The following SLC12A1 variants were observed in gnomAD, a reference collection of about 807,000 sequenced individuals.
SLC12A1 encodes solute carrier family 12 member 1.
In SLC12A1, 89 loss-of-function variants were observed where a neutral mutation model predicts 130.4. That is an observed-to-expected ratio of 0.68 (90% CI 0.58 to 0.81). The LOEUF is 0.81. SLC12A1 is among the 40% of genes least tolerant of loss of function. The probability of loss-of-function intolerance (pLI) is 0.00; values close to 1 mark genes in which losing one functional copy is unlikely to be tolerated. For synonymous variants in SLC12A1, 499 were observed against 460.0 expected (o/e 1.08, Z -1.09); for missense variants, 1,310 against 1,336.4 (o/e 0.98, Z 0.31).
chr15:48,291,712 A>C (rs991243858), intron 23 of SLC12A1, 66 bp from the exon 24 acceptor site: 10 of 1,020,864 alleles, frequency 9.8e-6, no homozygotes, highest in Middle Eastern at 2.2e-4. Flanking sequence ...TAACTCAAAC[A>C]AAAAACTCTT....
chr15:48,234,113 G>T (rs547123341), intron 8 of SLC12A1, among the ~76,000 whole-genome samples: 11 of 152,084 alleles, frequency 7.2e-5, no homozygotes, highest in Non-Finnish European at 1.6e-4. Context: ...CACACACAAG[G>T]TTCTTCAACT....
chr15:48,215,354 C>T (rs2041108866), intron 2 of SLC12A1, among the ~76,000 whole-genome samples: 1 of 152,126 alleles, frequency 6.6e-6, no homozygotes, highest in Admixed American at 6.5e-5. Flanking sequence ...TTTAAACATA[C>T]TTTATTTTAC....
rs570586361 is a variant in SLC12A1 at position 48,271,096 on chromosome 15, C to T, written c.2402+1332C>T. Among the ~76,000 whole-genome samples the T allele has an allele frequency of 4.1e-4, 62 of 151,640 alleles. 1 individual carries two copies. The highest frequency in any genetic ancestry group is 1.4e-3 in the African/African-American group (57 of 41,360). ...AAAATTAGCTGGGCATGGTGGTGGGCGCCTACTTGGGAGGCTGAGGCAGGA... is the reference window on the plus strand; with the variant it reads ...AAAATTAGCTGGGCATGGTGGTGGGTGCCTACTTGGGAGGCTGAGGCAGGA... On this transcript the variant is annotated intron_variant, in intron 19 of 26. Transcript: ENST00000380993.
intron 24 of SLC12A1, among the ~76,000 whole-genome samples, chr15:48,294,382 A>C (rs538232069): frequency 6.6e-6 from 1 of 152,112 alleles, no homozygotes; most frequent in Admixed American, 6.5e-5. Context: ...GAAGAAAAGA[A>C]AAATACATTA....
chr15:48,254,611 A>ACCC (rs1249871868), intron 15 of SLC12A1, among the ~76,000 whole-genome samples: 3 of 143,582 alleles, frequency 2.1e-5, no homozygotes, highest in Non-Finnish European at 4.6e-5. Flanking sequence ...AAAAAAAAAA[A>ACCC]AAAAAAAAAA....
At chr15:48,241,677 C>G in intron 10 of SLC12A1, 78 bp downstream of exon 10, 1 of 979,324 alleles carries the variant, frequency 1.0e-6, no homozygotes, top group Non-Finnish European at 1.6e-6. Flanking sequence ...GCTTTCAATG[C>G]AGCATAAATA....
intron 4 of SLC12A1, chr15:48,225,586 G>A (rs886769271): frequency 6.6e-6 from 1 of 152,042 alleles, no homozygotes; most frequent in African/African-American, 2.4e-5. Context: ...ATAAGATGGG[G>A]TGCACATTAA....
chr15:48,283,843 G>C (rs1365812454), intron 20 of SLC12A1, among the ~76,000 whole-genome samples: 1 of 152,076 alleles, frequency 6.6e-6, no homozygotes, highest in Non-Finnish European at 1.5e-5. Flanking sequence ...GAGGGCATCT[G>C]ACAAGAGTGC....
At chr15:48,241,734 T>A in intron 10 of SLC12A1, 135 bp downstream of exon 10, 1 of 675,818 alleles carries the variant, frequency 1.5e-6, no homozygotes, top group Non-Finnish European at 2.7e-6. Context: ...CTTGGTACCT[T>A]AATGTTAATG....
At position 48,269,733 on chromosome 15, in the gene SLC12A1, A is replaced by G. The variant is rs986693808; in HGVS notation, c.2371A>G (p.Thr791Ala). 14 of 1,608,796 alleles carry G rather than the reference A, an allele frequency of 8.7e-6. No individual in the cohort carries two copies. The highest frequency in any genetic ancestry group is 6.6e-5 in the South Asian group (6 of 90,894). Residue 791 changes from threonine (T) to alanine (A), a missense_variant, in exon 19 of 27, where the codon ACA (threonine) becomes GCA (alanine). Physicochemically the swap from Thr to Ala is moderately conservative, Grantham distance 58. Coordinates refer to ENST00000380993, the MANE Select transcript of SLC12A1 (RefSeq NM_000338.3). ...YKKNWRKAPLTEIENYVGIIH... is the reference protein window; with the variant it reads ...YKKNWRKAPLAEIENYVGIIH... ...GAAAAACTGGAGGAAAGCTCCCTTG[A>G]CAGAGATTGAGAACTACGTGGGAAT...
intron 26 of SLC12A1, among the ~76,000 whole-genome samples, chr15:48,301,898 T>C (rs143785142): frequency 8.9e-4 from 135 of 152,344 alleles, no homozygotes; most frequent in Admixed American, 2.4e-3. Flanking sequence ...AATGTATGTT[T>C]GTTTACTTAA....
intron 17 of SLC12A1, 77 bp from the exon 18 acceptor site, chr15:48,267,484 T>C (rs2041844466): frequency 6.5e-7 from 1 of 1,530,296 alleles, no homozygotes; most frequent in Non-Finnish European, 8.9e-7. Flanking sequence ...TTGCTGGCTA[T>C]TTTTGTCCTT....
At chr15:48,254,894 A>G (rs1016678418) in intron 15 of SLC12A1, among the ~76,000 whole-genome samples, 7 of 152,080 alleles carry the variant, frequency 4.6e-5, no homozygotes, top group Admixed American at 1.3e-4. Context: ...ACTGCACTCC[A>G]GCCTGGGCGA....
At position 48,234,862 on chromosome 15, in the gene SLC12A1, T is replaced by A. The variant is rs112239390; in HGVS notation, c.1088-15T>A. The A allele has an allele frequency of 6.2e-6, 10 of 1,612,942 alleles. No individual in the cohort carries two copies. In the South Asian group the frequency reaches 9.9e-5, roughly 16 times the overall value. ...AAATGTCTACATCATAATTTTCTTA[T>A]AATTTATGTTGCAGCATCAATATTT... On this transcript the variant is annotated splice_polypyrimidine_tract_variant and intron_variant, in intron 8 of 26. Coordinates refer to ENST00000380993, the MANE Select transcript of SLC12A1 (RefSeq NM_000338.3).
At chr15:48,262,791 G>A (rs938356475) in intron 17 of SLC12A1, among the ~76,000 whole-genome samples, 3 of 152,088 alleles carry the variant, frequency 2.0e-5, no homozygotes, top group Admixed American at 6.6e-5. Flanking sequence ...GAAGACAGAG[G>A]GAGGAAAACT....
At chr15:48,227,381 A>T in intron 5 of SLC12A1, 1 of 586,102 alleles carries the variant, frequency 1.7e-6, no homozygotes, top group Admixed American at 2.9e-5. Context: ...GTAACAAAAC[A>T]TGTTTATAAA....
chr15:48,260,234 C>T (rs2141077150), intron 17 of SLC12A1, among the ~76,000 whole-genome samples: 1 of 151,656 alleles, frequency 6.6e-6, no homozygotes, highest in Middle Eastern at 3.4e-3. Flanking sequence ...CACTGCATTC[C>T]AGCCTGGGCT....
chr15:48,283,035 C>T (rs774714269), intron 20 of SLC12A1, among the ~76,000 whole-genome samples: 1 of 152,160 alleles, frequency 6.6e-6, no homozygotes, highest in Non-Finnish European at 1.5e-5. Flanking sequence ...TAAAATGCAA[C>T]ACAGTCCCTG....
chr15:48,258,527 C>T (rs1337226700), intron 16 of SLC12A1, among the ~76,000 whole-genome samples: 2 of 152,190 alleles, frequency 1.3e-5, no homozygotes, highest in Admixed American at 6.5e-5. Flanking sequence ...AACTTTTACG[C>T]ATCTTCCTTT....
Sources: allele counts gnomAD v4.1 joint callset (sites outside exome capture counted in the v4.1 genomes callset), GRCh38; gene constraint gnomAD v4.1.1; transcripts MANE v1.5; gene names NCBI Gene and HGNC (gene_info 2026-07-23, HGNC 2026-07-21).